Variants in HECTD4 observed in about 807,000 individuals in gnomAD.
HECTD4 encodes HECT domain E3 ubiquitin protein ligase 4.
A neutral mutation model predicts 471.5 loss-of-function variants in HECTD4; 114 were observed. The ratio of observed to expected loss-of-function variants is 0.24; its 90% CI spans 0.21 to 0.28. HECTD4 has a LOEUF of 0.28. Among genes scored for constraint, HECTD4 ranks in the 10% least tolerant of loss-of-function variants. HECTD4 has a pLI of 1.00. For missense variants in HECTD4, 3,866 were observed against 5,651.5 expected, an observed-to-expected ratio of 0.68 and a Z score of 10.13; for synonymous variants, 2,012 against 2,256.0, an observed-to-expected ratio of 0.89 and a Z score of 3.07.
intron 67 of HECTD4, among the ~76,000 whole-genome samples, chr12:112,171,910 G>GT (rs1049303664): frequency 4.6e-5 from 7 of 151,644 alleles, no homozygotes; most frequent in Non-Finnish European, 4.4e-5. Context: ...TGCAATCCTA[G>GT]TTTTTTTTTG....
chr12:112,280,704 T>C (rs768656526), intron 8 of HECTD4, among the ~76,000 whole-genome samples: 2 of 151,874 alleles, frequency 1.3e-5, no homozygotes, highest in African/African-American at 2.4e-5. Context: ...TTTGTGAGTA[T>C]ACCATTTTCA....
Position 112,195,063 on chromosome 12 carries a change from C to T in HECTD4, c.8571G>A (p.Glu2857=). 6.3e-7 allele frequency: 1 copy of T among 1,594,512 alleles called. No homozygotes were observed. The highest frequency in any genetic ancestry group is 8.5e-7 in the Non-Finnish European group (1 of 1,171,344). ...CCAGCGCAGCCTCGCAGCGCAGCAG[C>T]TCCCTGCAAGGGAAAAGGTGGGTGA... ...LDNTNLQIHR[E]LLRCEAALAR... Residue 2857 remains glutamate, a synonymous_variant, in exon 56 of 76, where the codon GAG becomes GAA. Transcript: ENST00000682272.
chr12:112,297,248 GCA>G (rs1449711836), intron 7 of HECTD4, among the ~76,000 whole-genome samples: 115 of 144,012 alleles, frequency 8.0e-4, no homozygotes, highest in Middle Eastern at 4.8e-3. Flanking sequence ...TGTAAGTGCA[GCA>G]AGTGGTAAGT....
Position 112,270,261 on chromosome 12 carries a change from G to T in HECTD4, c.2141C>A (p.Thr714Asn). Residue 714 changes from threonine to asparagine, a missense_variant, in exon 12 of 76, where the codon ACC (threonine) becomes AAC (asparagine). By Grantham distance (65) the Thr-to-Asn change is moderately conservative. Around this residue, in one of 16 missense-constraint regions of HECTD4, gnomAD observed 525 missense variants for 672.6 expected, o/e 0.78. Coordinates refer to ENST00000682272, the MANE Select transcript of HECTD4 (RefSeq NM_001388303.1). ...AACGAGAATGCAGCGTATAATACAG[G>T]TATCTCCATTAACCATGGCCTTCTC... ...IMEKAMVNGD[T>N]CIIRCILVVF... 3 of 1,613,588 alleles carry T rather than the reference G, an allele frequency of 1.9e-6. No individual in the cohort carries two copies. The highest frequency in any genetic ancestry group is 2.2e-5 in the South Asian group (2 of 91,074).
In HECTD4 at chr12:112,228,296, C is replaced by T; in HGVS notation, c.6685-38G>A. The T allele has an allele frequency of 6.6e-7, 1 of 1,520,624 alleles. No individual in the cohort carries two copies. Among genetic ancestry groups the T allele is most frequent in the Non-Finnish European group, 8.8e-7 (1 of 1,137,028 alleles). 94.2% of individuals were successfully genotyped at this position (1,520,624 alleles called of 1,614,324 possible). A position where few individuals can be genotyped will look rare whatever the true frequency, so the allele number is the denominator to read the frequency against. On this transcript the variant is annotated intron_variant, in intron 42 of 75. Coordinates refer to ENST00000682272, the MANE Select transcript of HECTD4 (RefSeq NM_001388303.1). This position sits in a 1 kb window ranked among gnomAD's most constrained non-coding sequence, Gnocchi z 4.9. Reference sequence around the variant, plus strand: ...GGGGGGCATGGCAAAAAGTTAAATTCAAGTAGTTAGTTTATAAGAAATGAG... The same window carrying T: ...GGGGGGCATGGCAAAAAGTTAAATTTAAGTAGTTAGTTTATAAGAAATGAG...
intron 20 of HECTD4, 134 bp from the exon 21 acceptor site, chr12:112,256,652 T>A: frequency 2.2e-6 from 1 of 456,134 alleles, no homozygotes; most frequent in Non-Finnish European, 3.6e-6. Context: ...TTGATATCAG[T>A]GGCAATCAGA....
rs938459386 is a variant in HECTD4 at position 112,270,202 on chromosome 12, A to G, written c.2175+25T>C. 2.8e-5 allele frequency: 44 copies of G among 1,585,926 alleles called. 1 individual carries two copies. The highest frequency in any genetic ancestry group is 3.7e-5 in the Non-Finnish European group (43 of 1,155,910). On this transcript the variant is annotated intron_variant, in intron 12 of 75. Coordinates refer to ENST00000682272, the MANE Select transcript of HECTD4 (RefSeq NM_001388303.1). ...TGCGTTTCCTTTTCTCTATCATCTTATTTATTTCAAAACAGTGTATTTACC... is the reference window on the plus strand; with the variant it reads ...TGCGTTTCCTTTTCTCTATCATCTTGTTTATTTCAAAACAGTGTATTTACC...
rs866909690 is a variant in HECTD4, at chr12:112,381,751, G to A, written c.177+201C>T. Among the ~76,000 whole-genome samples the A allele has an allele frequency of 5.4e-4, 82 of 152,116 alleles. No individual in the cohort carries two copies. The highest frequency in any genetic ancestry group is 1.9e-3 in the African/African-American group (80 of 41,550). The stretch of plus-strand genomic sequence containing the variant: ...AAATCCCCTGCGGGCGCCAGGCCCC[G>A]AGGAGGGAGGGAGGGAGAGCGGGGC... On this transcript the variant is annotated intron_variant, in intron 1 of 75. Coordinates refer to ENST00000682272, the MANE Select transcript of HECTD4 (RefSeq NM_001388303.1). This position sits in a 1 kb window ranked among gnomAD's most constrained non-coding sequence, Gnocchi z 4.1.
At chr12:112,236,178 C>T (rs1757198931) in intron 35 of HECTD4, among the ~76,000 whole-genome samples, 1 of 152,128 alleles carries the variant, frequency 6.6e-6, no homozygotes, top group South Asian at 2.1e-4. Flanking sequence ...AGTGAAGACT[C>T]AATTTCCCAT....
chr12:112,320,691 ACT>A (rs1477284743), intron 1 of HECTD4, among the ~76,000 whole-genome samples: 1 of 151,062 alleles, frequency 6.6e-6, no homozygotes, highest in Non-Finnish European at 1.5e-5. Context: ...ACAGAGTGAG[ACT>A]CTGTCTTAAA....
intron 2 of HECTD4, among the ~76,000 whole-genome samples, chr12:112,317,979 A>T (rs1270478093): frequency 6.6e-6 from 1 of 151,104 alleles, no homozygotes; most frequent in Non-Finnish European, 1.5e-5. Context: ...AAAAAAAAAA[A>T]AAAAGAGAGG....
At chr12:112,175,118 C>A (rs1445228108) in intron 66 of HECTD4, among the ~76,000 whole-genome samples, 1 of 152,206 alleles carries the variant, frequency 6.6e-6, no homozygotes, top group African/African-American at 2.4e-5. Context: ...GGATAAGGTT[C>A]TTTGGGGTAA....
rs1027450514 is a variant in HECTD4 at position 112,264,195 on chromosome 12, C to T, written c.2637G>A (p.Leu879=). 6 of 1,599,212 alleles carry T rather than the reference C, an allele frequency of 3.8e-6. No individual in the cohort carries two copies. The highest frequency in any genetic ancestry group is 2.2e-5 in the East Asian group (1 of 44,556). Residue 879 remains leucine, a synonymous_variant, in exon 17 of 76, where the codon CTG becomes CTA. Transcript: ENST00000682272. ...LSTVPAASSC[L]RYLMAVQNHL... is the part of the protein sequence containing the mutation. ...GATTCTGAACTGCCATCAGATAGCG[C>T]AGGCAGGAGGATGCAGCCTTTAATA...
chr12:112,258,322 A>T, intron 20 of HECTD4, 174 bp downstream of exon 20: 1 of 431,370 alleles, frequency 2.3e-6, no homozygotes, highest in Non-Finnish European at 4.1e-6. Context: ...TATGCTAACC[A>T]GTTGCTATAA....
rs2033523763 is a variant in HECTD4, at chr12:112,236,977, C to T, written c.5412G>A (p.Gln1804=). 3 of 1,612,704 alleles carry T rather than the reference C, an allele frequency of 1.9e-6. No homozygotes were observed. Among genetic ancestry groups the T allele is most frequent in the South Asian group, 2.2e-5 (2 of 90,716 alleles). Residue 1804 remains glutamine (Q), a synonymous_variant, in exon 35 of 76, where the codon CAG becomes CAA. Transcript: ENST00000682272. ...GATCATTGAGAAGACTAAGGACATCCTGGAGCGCGTCATTCCCAGCAGCCT... is the reference window on the plus strand; with the variant it reads ...GATCATTGAGAAGACTAAGGACATCTTGGAGCGCGTCATTCCCAGCAGCCT... ...GNQAAGNDAL[Q]DVLSLLNDLS... is the part of the protein sequence containing the mutation.
In HECTD4 at chr12:112,344,040, C is replaced by T. The variant is rs4766898; in HGVS notation, c.178-24298G>A. ...AAGCTAAGAGTTGAGATGAACTTGC[C>T]TGGAGGACGCCAACTATGGCAGGGA... On this transcript the variant is annotated intron_variant, in intron 1 of 75. Coordinates refer to ENST00000682272, the MANE Select transcript of HECTD4 (RefSeq NM_001388303.1). 0.055 allele frequency among the ~76,000 whole-genome samples: 8,436 copies of T among 152,244 alleles called. 1,286 individuals carry two copies. In the East Asian group the frequency reaches 0.61, roughly 11 times the overall value.
At chr12:112,274,345 T>A (rs997372278) in intron 10 of HECTD4, among the ~76,000 whole-genome samples, 2 of 152,230 alleles carry the variant, frequency 1.3e-5, no homozygotes, top group Non-Finnish European at 2.9e-5. Flanking sequence ...CAATTGCAGT[T>A]TATTCAGAGG....
chr12:112,278,087 C>T (rs2034563700), intron 9 of HECTD4, among the ~76,000 whole-genome samples: 1 of 151,900 alleles, frequency 6.6e-6, no homozygotes, highest in Admixed American at 6.6e-5. Context: ...AATAAACAAA[C>T]AAACGAAAAA....
intron 64 of HECTD4, among the ~76,000 whole-genome samples, chr12:112,177,860 A>G (rs2137017689): frequency 6.6e-6 from 1 of 152,344 alleles, no homozygotes; most frequent in East Asian, 1.9e-4. Flanking sequence ...AAAGCTACAG[A>G]AGTAACCTTG....
Sources: gnomAD v4.1 joint callset for allele counts (sites outside exome capture counted in the v4.1 genomes callset) on GRCh38, gnomAD v4.1.1 for gene constraint, gnomAD v4.1.1 regional missense constraint, Gnocchi (gnomAD v3.1) non-coding constraint, MANE v1.5 for transcripts, NCBI Gene and HGNC (gene_info 2026-07-23, HGNC 2026-07-21) for gene names.